OPCML: variants seen among roughly 807,000 people sequenced by gnomAD.
OPCML encodes opioid-binding protein/cell adhesion molecule.
Under a neutral mutation model 37.8 loss-of-function variants are expected in OPCML, and 13 were observed. The ratio of observed to expected loss-of-function variants is 0.34; its 90% CI spans 0.22 to 0.55. The LOEUF is 0.55. Ranked by LOEUF, OPCML falls within the 20% of genes least tolerant of loss-of-function variation. OPCML has a pLI of 0.91. For synonymous variants in OPCML, 176 were observed against 168.8 expected (o/e 1.04, Z -0.33); for missense variants, 341 against 435.6 (o/e 0.78, Z 1.93).
chr11:132,892,235 A>G (rs994394876), intron 2 of OPCML, among the ~76,000 whole-genome samples: 2 of 152,170 alleles, frequency 1.3e-5, no homozygotes, highest in Non-Finnish European at 2.9e-5. Context: ...GAAAAGGCAG[A>G]CTTCTCCCCT....
intron 1 of OPCML, among the ~76,000 whole-genome samples, chr11:132,952,340 T>C (rs10750516): frequency 0.63 from 95,522 of 151,908 alleles, 30,595 homozygotes; most frequent in East Asian, 0.72. Flanking sequence ...GGGAATTACA[T>C]ACCACAGAAC....
chr11:132,511,851 T>G (rs2096269560), intron 4 of OPCML, among the ~76,000 whole-genome samples: 1 of 144,222 alleles, frequency 6.9e-6, no homozygotes, highest in Non-Finnish European at 1.6e-5. Flanking sequence ...GTGTGAAATA[T>G]TGATAAATTG....
At chr11:133,439,244 T>A (rs925360178) in intron 1 of OPCML, 1 of 971,168 alleles carries the variant, frequency 1.0e-6, no homozygotes, top group Non-Finnish European at 1.2e-6. Context: ...AGCGTCACAA[T>A]TGAGTTGAAG....
chr11:133,453,914 A>T (rs915259942), intron 1 of OPCML, among the ~76,000 whole-genome samples: 5 of 152,222 alleles, frequency 3.3e-5, no homozygotes, highest in African/African-American at 1.2e-4. Flanking sequence ...TTAATGAGAT[A>T]TTTGAAGGTA....
chr11:133,094,587 G>A (rs1172623598), intron 1 of OPCML, among the ~76,000 whole-genome samples: 1 of 152,118 alleles, frequency 6.6e-6, no homozygotes, highest in African/African-American at 2.4e-5. Flanking sequence ...TATCTTGTTA[G>A]TAGACTATAT....
intron 1 of OPCML, among the ~76,000 whole-genome samples, chr11:133,063,568 G>GT (rs34801498): frequency 0.41 from 60,801 of 149,058 alleles, 12,728 homozygotes; most frequent in Non-Finnish European, 0.49. Context: ...AGAGCTGTTG[G>GT]TTTTTTTTTT....
intron 1 of OPCML, among the ~76,000 whole-genome samples, chr11:133,295,327 T>C (rs537957742): frequency 7.9e-5 from 12 of 152,304 alleles, no homozygotes; most frequent in South Asian, 2.1e-4. Flanking sequence ...GTGGTAAAAC[T>C]AGGCATTCCA....
intron 3 of OPCML, among the ~76,000 whole-genome samples, chr11:132,604,341 A>G (rs1441339301): frequency 6.6e-6 from 1 of 151,422 alleles, no homozygotes; most frequent in Admixed American, 6.6e-5. Context: ...AATTTCCCTT[A>G]CATCTATTTG....
intron 4 of OPCML, among the ~76,000 whole-genome samples, chr11:132,467,240 C>T (rs2096122810): frequency 6.6e-6 from 1 of 152,194 alleles, no homozygotes; most frequent in Non-Finnish European, 1.5e-5. Flanking sequence ...CCCTGTGCAG[C>T]CCTGCTCCTC....
At chr11:133,004,282 A>G (rs1002542769) in intron 1 of OPCML, 1 of 985,418 alleles carries the variant, frequency 1.0e-6, no homozygotes, top group Non-Finnish European at 1.2e-6. Flanking sequence ...AGGAAAGCAA[A>G]TGTGATTTTG....
At chr11:132,570,630 G>A (rs956205696) in intron 3 of OPCML, among the ~76,000 whole-genome samples, 7 of 150,792 alleles carry the variant, frequency 4.6e-5, no homozygotes, top group Non-Finnish European at 5.9e-5. Context: ...TAAATTAACA[G>A]TCTCAAAAAA....
At chr11:133,359,864 A>T (rs1207864804) in intron 1 of OPCML, among the ~76,000 whole-genome samples, 1 of 152,240 alleles carries the variant, frequency 6.6e-6, no homozygotes, top group Non-Finnish European at 1.5e-5. Flanking sequence ...CCAGCGGAAG[A>T]TCTAAGAGGA....
intron 1 of OPCML, among the ~76,000 whole-genome samples, chr11:133,399,820 C>T (rs1267784009): frequency 2.0e-5 from 3 of 150,952 alleles, no homozygotes; most frequent in African/African-American, 7.3e-5. Context: ...CCCTTTAATC[C>T]AGTTTTCCTA....
At chr11:132,973,380 C>G (rs1565375292) in intron 1 of OPCML, among the ~76,000 whole-genome samples, 1 of 152,146 alleles carries the variant, frequency 6.6e-6, no homozygotes, top group Non-Finnish European at 1.5e-5. Context: ...CATGATGCAT[C>G]TTTGACCATT....
intron 3 of OPCML, among the ~76,000 whole-genome samples, chr11:132,535,053 A>G (rs2096336761): frequency 6.7e-6 from 1 of 148,488 alleles, no homozygotes; most frequent in African/African-American, 2.4e-5. Context: ...TATGTTATAT[A>G]TAATAATATG....
At chr11:132,668,054 G>A (rs75666655) in intron 2 of OPCML, among the ~76,000 whole-genome samples, 1,966 of 152,224 alleles carry the variant, frequency 0.013, 30 homozygotes, top group African/African-American at 0.035. Flanking sequence ...AGGGGCTGAC[G>A]GATACAGAGA....
intron 1 of OPCML, among the ~76,000 whole-genome samples, chr11:133,267,281 A>G (rs553930750): frequency 6.6e-6 from 1 of 152,302 alleles, no homozygotes; most frequent in East Asian, 1.9e-4. Context: ...ACATTATATT[A>G]CAGACTTGAG....
chr11:133,453,789 A>G (rs1946624333), intron 1 of OPCML, among the ~76,000 whole-genome samples: 1 of 152,246 alleles, frequency 6.6e-6, no homozygotes, highest in Non-Finnish European at 1.5e-5. Context: ...ATGTCCACAA[A>G]TAACATGGGG....
intron 1 of OPCML, among the ~76,000 whole-genome samples, chr11:132,997,779 G>A (rs551351604): frequency 6.6e-6 from 1 of 152,144 alleles, no homozygotes; most frequent in African/African-American, 2.4e-5. Flanking sequence ...TTCCTTCCTC[G>A]CAGAGTTAGC....
Sources: allele counts gnomAD v4.1 joint callset (sites outside exome capture counted in the v4.1 genomes callset), GRCh38; gene constraint gnomAD v4.1.1; transcripts MANE v1.5; gene names NCBI Gene and HGNC (gene_info 2026-07-23, HGNC 2026-07-21).